PTPN11: variants seen among roughly 807,000 people sequenced by gnomAD.
PTPN11 encodes the protein protein tyrosine phosphatase non-receptor type 11.
Under a neutral mutation model 78.8 loss-of-function variants are expected in PTPN11, and 6 were observed. The observed-to-expected ratio is 0.08, with a 90% CI of 0.04 to 0.15. The LOEUF (loss-of-function observed/expected upper bound fraction) is 0.15, where lower values mean the gene tolerates loss of function less well. PTPN11 is among the 10% of genes least tolerant of loss of function. The pLI, the probability that PTPN11 is intolerant of heterozygous loss-of-function variation, is 1.00. For missense variants in PTPN11, 386 were observed against 744.8 expected (o/e 0.52, Z 5.61); for synonymous variants, 221 against 263.5 (o/e 0.84, Z 1.56).
At chr12:112,497,446 T>G (rs2038827448) in intron 13 of PTPN11, among the ~76,000 whole-genome samples, 1 of 152,226 alleles carries the variant, frequency 6.6e-6, no homozygotes, top group South Asian at 2.1e-4. Context: ...CGCTGTTGCC[T>G]CATGGAACTG....
In PTPN11 at chr12:112,486,902, G is replaced by A. The variant is rs41279092; in HGVS notation, c.1379+273G>A. 0.048 allele frequency: 66,792 copies of A among 1,393,526 alleles called. 1,945 individuals are homozygous for A. The highest frequency in any genetic ancestry group is 0.078 in the South Asian group (4,966 of 63,810). The allele number at this position is 1,393,526 out of a possible 1,614,324, so 86.3% of individuals were successfully genotyped here. Reference sequence around the variant, plus strand: ...TATCTCTGAGTCCACCAGAAGTTGTGCATTAAACAACTTCATCCTGGCTCT... The same window carrying A: ...TATCTCTGAGTCCACCAGAAGTTGTACATTAAACAACTTCATCCTGGCTCT... On this transcript the variant is annotated intron_variant, in intron 11 of 15. Transcript: ENST00000351677.
At chr12:112,449,520 C>T (rs934268477) in intron 2 of PTPN11, among the ~76,000 whole-genome samples, 43 of 151,808 alleles carry the variant, frequency 2.8e-4, no homozygotes, top group African/African-American at 1.0e-3. Context: ...AACAAACAAA[C>T]AAACAAAAAA....
intron 6 of PTPN11, 148 bp downstream of exon 6, chr12:112,456,211 G>A (rs1384239414): frequency 1.5e-6 from 1 of 682,538 alleles, no homozygotes; most frequent in Non-Finnish European, 2.7e-6. Flanking sequence ...GGAGCAAGTT[G>A]CTGAGAGGGC....
intron 1 of PTPN11, among the ~76,000 whole-genome samples, chr12:112,436,657 G>A (rs2037796155): frequency 6.6e-6 from 1 of 151,546 alleles, no homozygotes; most frequent in African/African-American, 2.4e-5. Flanking sequence ...TTAATAGTAT[G>A]TCTGTTTTTC....
intron 6 of PTPN11, among the ~76,000 whole-genome samples, chr12:112,471,855 C>T (rs1203385310): frequency 4.0e-5 from 6 of 151,744 alleles, no homozygotes; most frequent in African/African-American, 1.2e-4. Context: ...TGGGTTCAAG[C>T]GATTCTCGTG....
chr12:112,442,081 A>G (rs902338410), intron 1 of PTPN11, among the ~76,000 whole-genome samples: 3 of 152,170 alleles, frequency 2.0e-5, no homozygotes, highest in African/African-American at 7.2e-5. Flanking sequence ...CTGCCCAAGA[A>G]TATCTTTTTG....
intron 1 of PTPN11, among the ~76,000 whole-genome samples, chr12:112,428,144 A>G (rs2037651861): frequency 6.6e-6 from 1 of 152,158 alleles, no homozygotes; most frequent in Non-Finnish European, 1.5e-5. Context: ...AGGACTGGAA[A>G]TTTATTTGTC....
intron 9 of PTPN11, among the ~76,000 whole-genome samples, chr12:112,481,478 T>G (rs915927857): frequency 2.6e-5 from 4 of 151,824 alleles, no homozygotes; most frequent in African/African-American, 9.7e-5. Context: ...TCCAAACACC[T>G]GCTTTTCTTG....
chr12:112,419,977 C>T (rs911852918), intron 1 of PTPN11, among the ~76,000 whole-genome samples: 2 of 152,214 alleles, frequency 1.3e-5, no homozygotes, highest in Admixed American at 1.3e-4. Context: ...GACCACAGCC[C>T]TATCAGATGG....
intron 1 of PTPN11, among the ~76,000 whole-genome samples, chr12:112,420,283 G>A (rs2037501883): frequency 6.6e-6 from 1 of 151,942 alleles, no homozygotes. Context: ...TATGGTCACT[G>A]TCTCAGACAT....
chr12:112,502,095 C>T lies in PTPN11; in HGVS notation c.1600-49C>T, dbSNP rs376021538. 17 of 1,433,376 alleles carry T rather than the reference C, an allele frequency of 1.2e-5. No individual in the cohort carries two copies. In the African/African-American group the frequency reaches 2.1e-4, roughly 18 times the overall value. 88.8% of individuals were successfully genotyped at this position (1,433,376 alleles called of 1,614,324 possible). ...CAAAATACCTTTTTTGCTTTTTATC[C>T]CCTTAAAATAACCATTGTCCCTCAC... On this transcript the variant is annotated intron_variant, in intron 13 of 15. Transcript: ENST00000351677.
In PTPN11 at chr12:112,504,695, A is replaced by G; in HGVS notation, c.1713A>G (p.Glu571=). 1 of 1,568,102 alleles carries G rather than the reference A, an allele frequency of 6.4e-7. No individual in the cohort carries two copies. The highest frequency in any genetic ancestry group is 8.8e-7 in the Non-Finnish European group (1 of 1,138,952). The part of the protein sequence containing the change: ...PPCTPTPPCA[E]MREDSARVYE... ...GTCTTTCTTTTTCTTTTCTCTCCAG[A>G]ATGAGAGAAGACAGTGCTAGAGTCT... Residue 571 remains glutamate, a splice_region_variant and synonymous_variant, in exon 15 of 16, where the codon GAA becomes GAG. Transcript: ENST00000351677. The surrounding 1 kb of genome is among the most constrained non-coding windows in gnomAD (Gnocchi z 4.7).
At chr12:112,488,036 G>A (rs1046385580) in intron 11 of PTPN11, among the ~76,000 whole-genome samples, 5 of 152,008 alleles carry the variant, frequency 3.3e-5, no homozygotes, top group Non-Finnish European at 4.4e-5. Flanking sequence ...CTCCTGCCTC[G>A]GCCTCCCAAA....
intron 6 of PTPN11, among the ~76,000 whole-genome samples, chr12:112,466,307 C>A (rs762493680): frequency 6.6e-6 from 1 of 152,158 alleles, no homozygotes; most frequent in African/African-American, 2.4e-5. Flanking sequence ...GTAGAGGGAA[C>A]AGCAAGTGCA....
chr12:112,434,693 T>C (rs1420586629), intron 1 of PTPN11, among the ~76,000 whole-genome samples: 1 of 152,088 alleles, frequency 6.6e-6, no homozygotes, highest in Non-Finnish European at 1.5e-5. Context: ...TTTGTGTGTG[T>C]GTCGAGTGTG....
chr12:112,490,218 A>T (rs2038729529), intron 13 of PTPN11, among the ~76,000 whole-genome samples: 1 of 152,190 alleles, frequency 6.6e-6, no homozygotes, highest in South Asian at 2.1e-4. Flanking sequence ...TAGTTAGGCA[A>T]AAAGTTGCCC....
chr12:112,439,866 T>C (rs1433322708), intron 1 of PTPN11, among the ~76,000 whole-genome samples: 1 of 151,902 alleles, frequency 6.6e-6, no homozygotes, highest in Non-Finnish European at 1.5e-5. Flanking sequence ...ACCTGTGTTA[T>C]ATAATAATTA....
At chr12:112,487,323 A>G (rs763016599) in intron 11 of PTPN11, among the ~76,000 whole-genome samples, 2 of 151,616 alleles carry the variant, frequency 1.3e-5, no homozygotes, top group Non-Finnish European at 2.9e-5. Context: ...TAATAGAGAC[A>G]AGGTTTTGTC....
At chr12:112,476,406 A>G (rs1413362316) in intron 7 of PTPN11, among the ~76,000 whole-genome samples, 1 of 152,184 alleles carries the variant, frequency 6.6e-6, no homozygotes, top group Non-Finnish European at 1.5e-5. Context: ...CGAATAATAG[A>G]CTTTTGTACA....
Sources: gnomAD v4.1 joint callset for allele counts (sites outside exome capture counted in the v4.1 genomes callset) on GRCh38, gnomAD v4.1.1 for gene constraint, Gnocchi (gnomAD v3.1) non-coding constraint, MANE v1.5 for transcripts, NCBI Gene and HGNC (gene_info 2026-07-23, HGNC 2026-07-21) for gene names.